CACNA1G: variants seen among roughly 807,000 people sequenced by gnomAD.
CACNA1G encodes calcium voltage-gated channel subunit alpha1 G.
A neutral mutation model predicts 219.4 loss-of-function variants in CACNA1G; 67 were observed. The observed-to-expected ratio is 0.31, with a 90% CI of 0.25 to 0.37. CACNA1G has a LOEUF of 0.37. CACNA1G is among the 10% of genes least tolerant of loss of function. CACNA1G has a pLI of 1.00. For synonymous variants in CACNA1G, 1,296 were observed against 1,345.3 expected (o/e 0.96, Z 0.80); for missense variants, 2,380 against 3,231.4 (o/e 0.74, Z 6.39).
chr17:50,626,203 C>A lies in CACNA1G; in HGVS notation c.6586C>A (p.Pro2196Thr), dbSNP rs745549504. 1.3e-5 allele frequency: 21 copies of A among 1,613,834 alleles called. No individual in the cohort carries two copies. The South Asian group carries it at 1.9e-4, about 14-fold the overall frequency. ...CTCCAAGCACATGACCCCGCCAGCC[C>A]CTTGCCCAGGCCCAGAACCCAACTG... is the stretch of plus-strand genomic sequence containing the variant. ...KISKHMTPPA[P>T]CPGPEPNWGK... Residue 2196 changes from proline to threonine, a missense_variant, in exon 38 of 38, where the codon CCT becomes ACT. Pro to Thr is a conservative substitution (Grantham distance 38). This residue lies in a region of CACNA1G where 672 missense variants were observed against 670.5 expected (regional missense o/e 1.00). Transcript: ENST00000359106. This position sits in a 1 kb window ranked among gnomAD's most constrained non-coding sequence, Gnocchi z 4.3.
chr17:50,566,319 C>CCCTT (rs2037842675), intron 1 of CACNA1G, among the ~76,000 whole-genome samples: 1 of 151,340 alleles, frequency 6.6e-6, no homozygotes, highest in African/African-American at 2.4e-5. Flanking sequence ...CCCCCCCCAT[C>CCCTT]AATTATTCCT....
intron 25 of CACNA1G, among the ~76,000 whole-genome samples, chr17:50,609,022 T>C (rs2048585680): frequency 1.3e-5 from 2 of 152,322 alleles, no homozygotes; most frequent in South Asian, 4.1e-4. Flanking sequence ...GGGTTTCCCA[T>C]GCTCTCTTCA....
chr17:50,561,619 C>G lies in CACNA1G; in HGVS notation c.160C>G (p.Pro54Ala). 6.3e-7 allele frequency: 1 copy of G among 1,596,958 alleles called. No homozygotes were observed. Among genetic ancestry groups the G allele is most frequent in the Non-Finnish European group, 8.5e-7 (1 of 1,172,934 alleles). The change falls in exon 1 of 38, where the codon CCG becomes GCG. Residue 54 changes from proline (P) to alanine (A), a missense_variant. Physicochemically the swap from Pro to Ala is conservative, Grantham distance 27 (BLOSUM62 -1). This residue lies in a region of CACNA1G where 98 missense variants were observed against 85.5 expected (regional missense o/e 1.15). Coordinates refer to ENST00000359106, the MANE Select transcript of CACNA1G (RefSeq NM_018896.5). Reference protein sequence around the residue: ...ADSEAEGLPYPALAPVVFFYL... With the variant: ...ADSEAEGLPYAALAPVVFFYL... ...CTCCGAGGCGGAGGGGCTGCCGTAC[C>G]CGGCGCTGGCCCCGGTGGTTTTCTT...
At chr17:50,566,208 G>A (rs1187231544) in intron 1 of CACNA1G, among the ~76,000 whole-genome samples, 1 of 152,076 alleles carries the variant, frequency 6.6e-6, no homozygotes, top group East Asian at 1.9e-4. Flanking sequence ...ACCACCTGGT[G>A]ACACATCCTC....
Position 50,623,940 on chromosome 17 carries a change from G to A in CACNA1G, c.6094G>A (p.Asp2032Asn). 6.2e-7 allele frequency: 1 copy of A among 1,613,102 alleles called. No individual in the cohort carries two copies. The highest frequency in any genetic ancestry group is 8.5e-7 in the Non-Finnish European group (1 of 1,179,650). The change falls in exon 36 of 38, where the codon GAC (aspartate) becomes AAC (asparagine). Residue 2032 changes from aspartate (D) to asparagine (N), a missense_variant. Physicochemically the swap from Asp to Asn is conservative, Grantham distance 23. Transcript: ENST00000359106. The part of the protein sequence containing the change: ...QPHPTELPGP[D>N]LLTVRKSGVS... ...CCACCCCACGGAGCTGCCAGGACCA[G>A]ACTTACTGACTGTGCGGAAGTCTGG... is the stretch of plus-strand genomic sequence containing the variant.
intron 1 of CACNA1G, among the ~76,000 whole-genome samples, chr17:50,566,624 T>C (rs1598008230): frequency 6.6e-6 from 1 of 152,216 alleles, no homozygotes; most frequent in Non-Finnish European, 1.5e-5. Flanking sequence ...TATAAGCAGT[T>C]CACCTCTGTC....
intron 26 of CACNA1G, among the ~76,000 whole-genome samples, chr17:50,610,670 C>T (rs540626882): frequency 1.5e-4 from 23 of 152,172 alleles, no homozygotes; most frequent in African/African-American, 5.5e-4. Context: ...AACACTATGT[C>T]TCCAGCTGGT....
chr17:50,625,971 GC>G (rs1163992516), intron 37 of CACNA1G, 45 bp from the exon 38 acceptor site: 1 of 1,555,708 alleles, frequency 6.4e-7, no homozygotes. Context: ...GCTAGTCCAT[GC>G]TGGAGAGGAG....
At chr17:50,624,919 G>A (rs2053290495) in intron 37 of CACNA1G, among the ~76,000 whole-genome samples, 1 of 150,394 alleles carries the variant, frequency 6.6e-6, no homozygotes, top group African/African-American at 2.4e-5. Flanking sequence ...CTTCACTTTT[G>A]GCCAAGCCTA....
chr17:50,595,984 C>T (rs1051880765), intron 14 of CACNA1G, among the ~76,000 whole-genome samples: 1 of 152,148 alleles, frequency 6.6e-6, no homozygotes, highest in African/African-American at 2.4e-5. Flanking sequence ...GTCCCAGAGA[C>T]AGGGAGAGAG....
At chr17:50,599,044 G>A (rs2046104750) in intron 16 of CACNA1G, among the ~76,000 whole-genome samples, 1 of 152,154 alleles carries the variant, frequency 6.6e-6, no homozygotes, top group East Asian at 1.9e-4. Flanking sequence ...CTCCTTTTGA[G>A]GAATGTCTAT....
chr17:50,561,772 G>A, intron 1 of CACNA1G, 71 bp downstream of exon 1: 1 of 1,314,842 alleles, frequency 7.6e-7, no homozygotes, highest in South Asian at 1.5e-5. Flanking sequence ...GGGGTCGGGG[G>A]GGAAGAAGAC....
At position 50,596,195 on chromosome 17, in the gene CACNA1G, T is replaced by A. The variant is rs1409174236; in HGVS notation, c.2980-367T>A. Among the ~76,000 whole-genome samples, 1 of 152,160 alleles carries A rather than the reference T, an allele frequency of 6.6e-6. No individual in the cohort carries two copies. Among genetic ancestry groups the A allele is most frequent in the Non-Finnish European group, 1.5e-5 (1 of 68,032 alleles). On this transcript the variant is annotated intron_variant, in intron 14 of 37. Coordinates refer to ENST00000359106, the MANE Select transcript of CACNA1G (RefSeq NM_018896.5). The surrounding 1 kb of genome is among the most constrained non-coding windows in gnomAD (Gnocchi z 4.8). ...TCCAGTGAACTTTTGCAAGAGAGGC[T>A]CTAGTGACCACTTCACTCAGGTCCC... is the stretch of plus-strand genomic sequence containing the variant.
At chr17:50,581,149 G>A (rs902532237) in intron 9 of CACNA1G, among the ~76,000 whole-genome samples, 4 of 151,880 alleles carry the variant, frequency 2.6e-5, no homozygotes, top group Non-Finnish European at 5.9e-5. Flanking sequence ...GAAAGGATAT[G>A]GAGGGAGAGA....
chr17:50,617,620 G>A lies in CACNA1G; in HGVS notation c.5155+49G>A, dbSNP rs1162739320. 6.3e-7 allele frequency: 1 copy of A among 1,598,016 alleles called. No homozygotes were observed. The highest frequency in any genetic ancestry group is 2.2e-5 in the East Asian group (1 of 44,554). ...GCCCTCCTAGGGTGACCAGCCCAGG[G>A]AGAGAGAGCAAGGGTCGGCTTTGTG... On this transcript the variant is annotated intron_variant, in intron 29 of 37. Transcript: ENST00000359106. The surrounding 1 kb of genome is among the most constrained non-coding windows in gnomAD (Gnocchi z 5.8).
chr17:50,606,769 G>A (rs1005214442), intron 23 of CACNA1G, 131 bp from the exon 24 acceptor site: 1 of 692,814 alleles, frequency 1.4e-6, no homozygotes, highest in East Asian at 2.7e-5. Flanking sequence ...AGCCTGGAGT[G>A]TGACTCCAGC....
chr17:50,607,510 A>AG (rs34509700), intron 24 of CACNA1G: 2 of 350,432 alleles, frequency 5.7e-6, no homozygotes, highest in African/African-American at 2.1e-5. Context: ...AGAAAAAATA[A>AG]TGGTGAGTTT....
Position 50,578,806 on chromosome 17 carries a change from A to G in CACNA1G, c.2301+242A>G, listed in dbSNP as rs2041272348. 6.6e-6 allele frequency among the ~76,000 whole-genome samples: 1 copy of G among 152,170 alleles called. No individual in the cohort carries two copies. The highest frequency in any genetic ancestry group is 2.1e-4 in the South Asian group (1 of 4,828). On this transcript the variant is annotated intron_variant, in intron 9 of 37. Coordinates refer to ENST00000359106, the MANE Select transcript of CACNA1G (RefSeq NM_018896.5). The surrounding 1 kb of genome is among the most constrained non-coding windows in gnomAD (Gnocchi z 4.5). ...GGCCACAGGGTATGTTCTACCCAGG[A>G]AGGCTGCTCAGAGGAGGCTGGCTTT...
intron 26 of CACNA1G, among the ~76,000 whole-genome samples, chr17:50,611,149 G>A (rs2049108364): frequency 1.3e-5 from 2 of 152,158 alleles, no homozygotes; most frequent in South Asian, 4.2e-4. Context: ...AGCTACTCGG[G>A]AGGCTGAGGC....
Sources: allele counts gnomAD v4.1 joint callset (sites outside exome capture counted in the v4.1 genomes callset), GRCh38; gene constraint gnomAD v4.1.1; regional missense constraint gnomAD v4.1.1; non-coding constraint Gnocchi (gnomAD v3.1); transcripts MANE v1.5; gene names NCBI Gene and HGNC (gene_info 2026-07-23, HGNC 2026-07-21).